The following SLC4A4 variants were observed in gnomAD, a reference collection of about 807,000 sequenced individuals.
The protein encoded by SLC4A4 is electrogenic sodium bicarbonate cotransporter 1.
In SLC4A4, 27 loss-of-function variants were observed where a neutral mutation model predicts 111.5. That is an observed-to-expected ratio of 0.24 (90% confidence interval 0.18 to 0.33). The LOEUF (loss-of-function observed/expected upper bound fraction) is 0.33, where lower values mean the gene tolerates loss of function less well. SLC4A4 is among the 10% of genes least tolerant of loss of function. The pLI is 1.00. For missense variants in SLC4A4, 909 were observed against 1,315.5 expected (o/e 0.69, Z 4.78); for synonymous variants, 443 against 463.4 (o/e 0.96, Z 0.57).
chr4:71,429,652 A>G (rs550002943), intron 7 of SLC4A4, among the ~76,000 whole-genome samples: 1 of 152,260 alleles, frequency 6.6e-6, no homozygotes, highest in South Asian at 2.1e-4. Flanking sequence ...CAAGGCAGCC[A>G]TTTAAAATTC....
At chr4:71,353,084 C>T (rs571991284) in intron 5 of SLC4A4, among the ~76,000 whole-genome samples, 2 of 152,078 alleles carry the variant, frequency 1.3e-5, no homozygotes, top group African/African-American at 4.8e-5. Flanking sequence ...ACGTCTTTAG[C>T]GAATGGCCAA....
intron 3 of SLC4A4, among the ~76,000 whole-genome samples, chr4:71,333,973 TG>T (rs1728221465): frequency 1.3e-5 from 2 of 152,188 alleles, no homozygotes; most frequent in African/African-American, 4.8e-5. Context: ...GGCCTGGAAT[TG>T]GGGATCATAG....
In SLC4A4 at chr4:71,107,006, GTCTA is replaced by G. The variant is rs1437723884; in HGVS notation, c.-2+14218_-2+14221del. ...ACAGAGAAATTAAAAAAAAAATAAA[GTCTA>G]TCTGTCTGTATTATTATTGCCACCA... On this transcript the variant is annotated intron_variant, in intron 2 of 26. Transcript: ENST00000649996. 1.1e-4 allele frequency among the ~76,000 whole-genome samples: 16 copies of G among 151,090 alleles called. No homozygotes were observed. In the South Asian group the frequency reaches 1.9e-3, roughly 18 times the overall value.
intron 2 of SLC4A4, among the ~76,000 whole-genome samples, chr4:71,148,782 T>A (rs1421904891): frequency 1.3e-5 from 2 of 152,236 alleles, no homozygotes; most frequent in Non-Finnish European, 2.9e-5. Context: ...CCACATTTCC[T>A]TTATTCTAAA....
At chr4:71,406,521 A>T (rs913525282) in intron 7 of SLC4A4, among the ~76,000 whole-genome samples, 6 of 151,964 alleles carry the variant, frequency 3.9e-5, no homozygotes, top group Non-Finnish European at 8.8e-5. Flanking sequence ...TGGTTGATTT[A>T]TGTGTCTCAG....
rs532559269 is a variant in SLC4A4 at position 71,387,370 on chromosome 4, T to C, written c.731-10207T>C. Among the ~76,000 whole-genome samples, 3 of 152,310 alleles carry C rather than the reference T, an allele frequency of 2.0e-5. No individual in the cohort carries two copies. The South Asian group carries it at 6.2e-4, about 32-fold the overall frequency. Reference sequence around the variant, plus strand: ...TTTCATTGGTGTGGCTTTATACTTTTGTAAAAAGTGTTTTTTTGTGAATCT... The same window carrying C: ...TTTCATTGGTGTGGCTTTATACTTTCGTAAAAAGTGTTTTTTTGTGAATCT... On this transcript the variant is annotated intron_variant, in intron 6 of 25. Coordinates refer to ENST00000264485, the MANE Select transcript of SLC4A4 (RefSeq NM_001098484.3).
At chr4:71,109,955 T>G (rs559480578) in intron 2 of SLC4A4, among the ~76,000 whole-genome samples, 28 of 152,204 alleles carry the variant, frequency 1.8e-4, no homozygotes, top group African/African-American at 6.7e-4. Flanking sequence ...TGCCTGCCAG[T>G]GGGATGGGGG....
chr4:71,152,337 C>T (rs990554), intron 2 of SLC4A4, among the ~76,000 whole-genome samples: 152,136 of 152,264 alleles, frequency 1, 76,006 homozygotes, highest in Non-Finnish European at 1. Context: ...TTGAACTTTA[C>T]ATATGTGGAA....
intron 12 of SLC4A4, among the ~76,000 whole-genome samples, chr4:71,461,031 A>C (rs1363787654): frequency 6.6e-6 from 1 of 152,096 alleles, no homozygotes; most frequent in African/African-American, 2.4e-5. Flanking sequence ...CTGACTGCTT[A>C]TTTCCAGTGA....
At chr4:71,379,651 GA>G in intron 6 of SLC4A4, among the ~76,000 whole-genome samples, 1 of 152,184 alleles carries the variant, frequency 6.6e-6, no homozygotes, top group African/African-American at 2.4e-5. Context: ...AGCTTGAGCA[GA>G]ACCCATTCAG....
At chr4:71,089,956 TC>T (rs1742329334) in intron 1 of SLC4A4, among the ~76,000 whole-genome samples, 1 of 118,992 alleles carries the variant, frequency 8.4e-6, no homozygotes, top group Non-Finnish European at 1.9e-5. Flanking sequence ...TGCAGAGAAT[TC>T]TGTTGCCTTT....
chr4:71,502,879 C>T (rs1731072316), intron 16 of SLC4A4, among the ~76,000 whole-genome samples: 1 of 152,002 alleles, frequency 6.6e-6, no homozygotes, highest in African/African-American at 2.4e-5. Flanking sequence ...TCCAATGTTC[C>T]TTGTTGATTT....
rs547746567 is a variant in SLC4A4, at chr4:71,265,035, G to A, written c.253+9636G>A. Among the ~76,000 whole-genome samples, 124 of 152,264 alleles carry A rather than the reference G, an allele frequency of 8.1e-4. 1 individual carries two copies. Among genetic ancestry groups the A allele is most frequent in the African/African-American group, 2.7e-3 (113 of 41,556 alleles). ...AAGGTTTATAGATTTTTTGCTCTTC[G>A]TGAAACTGACTTTGGAAATCTGTCT... On this transcript the variant is annotated intron_variant, in intron 3 of 25. Coordinates refer to ENST00000264485, the MANE Select transcript of SLC4A4 (RefSeq NM_001098484.3).
intron 2 of SLC4A4, among the ~76,000 whole-genome samples, chr4:71,129,313 C>A (rs890080204): frequency 1.3e-5 from 2 of 152,036 alleles, no homozygotes; most frequent in African/African-American, 4.8e-5. Context: ...AAGTCACAAA[C>A]AGACACTTAT....
chr4:71,312,298 A>G (rs1316969902), intron 3 of SLC4A4, among the ~76,000 whole-genome samples: 7 of 152,212 alleles, frequency 4.6e-5, no homozygotes, highest in Non-Finnish European at 8.8e-5. Flanking sequence ...CAAACCAAAA[A>G]AAGCCCAGGA....
chr4:71,156,359 T>C (rs1744463333), intron 2 of SLC4A4, among the ~76,000 whole-genome samples: 1 of 152,300 alleles, frequency 6.6e-6, no homozygotes, highest in South Asian at 2.1e-4. Context: ...GATGCTTCAC[T>C]CTGTGCACAG....
intron 6 of SLC4A4, among the ~76,000 whole-genome samples, chr4:71,379,148 G>A (rs761190081): frequency 3.3e-5 from 5 of 152,006 alleles, no homozygotes; most frequent in Non-Finnish European, 7.4e-5. Context: ...CGTTATGAAC[G>A]CCACACATCA....
chr4:71,460,576 G>C (rs914822079), intron 12 of SLC4A4, among the ~76,000 whole-genome samples: 1 of 152,104 alleles, frequency 6.6e-6, no homozygotes, highest in Non-Finnish European at 1.5e-5. Flanking sequence ...TAGGCAGAGC[G>C]GGTGGCAATA....
chr4:71,304,578 C>T (rs1159114934), intron 3 of SLC4A4, among the ~76,000 whole-genome samples: 1 of 152,148 alleles, frequency 6.6e-6, no homozygotes, highest in Non-Finnish European at 1.5e-5. Flanking sequence ...AATGTTTTAC[C>T]AGCTGTCTGG....
Sources: allele counts gnomAD v4.1 joint callset (sites outside exome capture counted in the v4.1 genomes callset), GRCh38; gene constraint gnomAD v4.1.1; transcripts MANE v1.5; gene names NCBI Gene and HGNC (gene_info 2026-07-23, HGNC 2026-07-21).